AKAP6: variants seen among roughly 807,000 people sequenced by gnomAD.
AKAP6 encodes the protein A-kinase anchor protein 6.
AKAP6 carries 58 observed loss-of-function variants against 188.5 expected under a neutral mutation model. The ratio of observed to expected loss-of-function variants is 0.31; its 90% CI spans 0.25 to 0.38. The LOEUF (loss-of-function observed/expected upper bound fraction) is 0.38. AKAP6 is among the 10% of genes least tolerant of loss of function. The pLI is 1.00. For synonymous variants in AKAP6, 989 were observed against 998.6 expected (o/e 0.99, Z 0.18); for missense variants, 2,710 against 2,740.0 (o/e 0.99, Z 0.24).
intron 12 of AKAP6, among the ~76,000 whole-genome samples, chr14:32,784,869 C>G (rs944768466): frequency 5.9e-5 from 9 of 152,086 alleles, no homozygotes; most frequent in Non-Finnish European, 1.2e-4. Flanking sequence ...TTTCTTCCCC[C>G]TAAGACTACT....
intron 9 of AKAP6, among the ~76,000 whole-genome samples, chr14:32,701,224 A>T (rs868145151): frequency 6.6e-5 from 10 of 152,168 alleles, no homozygotes; most frequent in African/African-American, 2.2e-4. Flanking sequence ...ATAAATACAA[A>T]TCAGACTGGA....
intron 9 of AKAP6, among the ~76,000 whole-genome samples, chr14:32,713,230 G>A (rs1057411932): frequency 6.6e-6 from 1 of 152,006 alleles, no homozygotes; most frequent in Non-Finnish European, 1.5e-5. Context: ...AAACTGTGCT[G>A]TAAACAGATA....
At chr14:32,669,738 T>C (rs1404912815) in intron 7 of AKAP6, among the ~76,000 whole-genome samples, 1 of 152,132 alleles carries the variant, frequency 6.6e-6, no homozygotes, top group Non-Finnish European at 1.5e-5. Flanking sequence ...CTTACAATCA[T>C]GGCAGAAAGG....
intron 5 of AKAP6, among the ~76,000 whole-genome samples, chr14:32,590,583 C>T (rs1885449872): frequency 6.6e-6 from 1 of 152,146 alleles, no homozygotes; most frequent in African/African-American, 2.4e-5. Flanking sequence ...GATAACTGAG[C>T]ATGTCTACAA....
At chr14:32,596,276 A>G (rs1299218311) in intron 5 of AKAP6, among the ~76,000 whole-genome samples, 1 of 152,212 alleles carries the variant, frequency 6.6e-6, no homozygotes, top group Non-Finnish European at 1.5e-5. Context: ...TGGGCTATTC[A>G]GAAATATGAG....
At chr14:32,736,382 T>C (rs1344881716) in intron 11 of AKAP6, among the ~76,000 whole-genome samples, 2 of 152,210 alleles carry the variant, frequency 1.3e-5, no homozygotes, top group African/African-American at 4.8e-5. Flanking sequence ...ATTACAGGCA[T>C]ATTCCATTAT....
chr14:32,510,414 G>GTATATATATACGTATATATATGTGTGTA lies in AKAP6; in HGVS notation c.325-25129_325-25128insGTATATATATGTGTGTATATATATATAC, dbSNP rs1881148089. On this transcript the variant is annotated intron_variant, in intron 2 of 13. Coordinates refer to ENST00000280979, the MANE Select transcript of AKAP6 (RefSeq NM_004274.5). ...TATGTGTATATATATGTATATATAT[G>GTATATATATACGTATATATATGTGTGTA]TATATATATACATATATATATGTGT... 1.0e-3 allele frequency among the ~76,000 whole-genome samples: 112 copies of GTATATATATACGTATATATATGTGTGTA among 112,316 alleles called. 3 individuals carry two copies. Among genetic ancestry groups the GTATATATATACGTATATATATGTGTGTA allele is most frequent in the African/African-American group, 4.2e-3 (108 of 25,978 alleles). 73.7% of individuals were successfully genotyped at this position (112,316 alleles called of 152,430 possible).
At chr14:32,684,237 CT>C (rs1389524516) in intron 8 of AKAP6, among the ~76,000 whole-genome samples, 1 of 152,122 alleles carries the variant, frequency 6.6e-6, no homozygotes, top group African/African-American at 2.4e-5. Context: ...AAGAATTTAC[CT>C]TGTGGTAAAC....
At chr14:32,769,246 C>G (rs1460213174) in intron 11 of AKAP6, among the ~76,000 whole-genome samples, 1 of 151,424 alleles carries the variant, frequency 6.6e-6, no homozygotes, top group Non-Finnish European at 1.5e-5. Flanking sequence ...TGGGGTTTCA[C>G]TGTGTTGGAT....
intron 12 of AKAP6, among the ~76,000 whole-genome samples, chr14:32,798,657 G>A (rs1410718430): frequency 6.6e-6 from 1 of 152,160 alleles, no homozygotes; most frequent in Non-Finnish European, 1.5e-5. Context: ...TTACTTATAA[G>A]TGGGAGCTAA....
intron 12 of AKAP6, among the ~76,000 whole-genome samples, chr14:32,791,699 C>T (rs1228358267): frequency 6.6e-6 from 1 of 151,520 alleles, no homozygotes; most frequent in South Asian, 2.1e-4. Context: ...TTTGCCCATG[C>T]CTATGTCCTG....
At chr14:32,816,368 A>C (rs2034377811) in intron 12 of AKAP6, among the ~76,000 whole-genome samples, 1 of 152,012 alleles carries the variant, frequency 6.6e-6, no homozygotes, top group Non-Finnish European at 1.5e-5. Context: ...AATTTTAAAA[A>C]ATTTTTACAT....
At chr14:32,695,667 G>A (rs1890373852) in intron 8 of AKAP6, among the ~76,000 whole-genome samples, 1 of 152,176 alleles carries the variant, frequency 6.6e-6, no homozygotes, top group South Asian at 2.1e-4. Flanking sequence ...TTAAATGGCA[G>A]TGCTCTTTTT....
Position 32,419,900 on chromosome 14 carries a change from A to C in AKAP6, c.-34-13560A>C, listed in dbSNP as rs190038337. On this transcript the variant is annotated intron_variant, in intron 1 of 13. Coordinates refer to ENST00000280979, the MANE Select transcript of AKAP6 (RefSeq NM_004274.5). ...TCTCTACAAAAACAAAAACAAAAAC[A>C]AAAACAAAAGAAAAAAAACAAAAAA... Among the ~76,000 whole-genome samples, 372 of 150,598 alleles carry C rather than the reference A, an allele frequency of 2.5e-3. 3 individuals are homozygous for C. Among genetic ancestry groups the C allele is most frequent in the African/African-American group, 8.8e-3 (351 of 40,008 alleles).
chr14:32,619,803 G>T (rs1261157325), intron 7 of AKAP6, among the ~76,000 whole-genome samples: 1 of 152,110 alleles, frequency 6.6e-6, no homozygotes, highest in Non-Finnish European at 1.5e-5. Context: ...CAATGTATGA[G>T]CATGGAATGT....
intron 2 of AKAP6, among the ~76,000 whole-genome samples, chr14:32,449,783 G>A (rs1251687575): frequency 6.6e-6 from 1 of 152,158 alleles, no homozygotes; most frequent in Non-Finnish European, 1.5e-5. Flanking sequence ...CTAGATTGGG[G>A]CTGTCTTCCA....
intron 12 of AKAP6, among the ~76,000 whole-genome samples, chr14:32,786,296 A>ATGTTTTTTTTTTGTTTTTT: frequency 1.1e-5 from 1 of 93,706 alleles, no homozygotes; most frequent in South Asian, 3.7e-4. Flanking sequence ...CTAAACCTTT[A>ATGTTTTTTTTTTGTTTTTT]TCTTTTTTTT....
At chr14:32,488,557 G>A (rs1879825780) in intron 2 of AKAP6, among the ~76,000 whole-genome samples, 1 of 152,102 alleles carries the variant, frequency 6.6e-6, no homozygotes, top group Non-Finnish European at 1.5e-5. Context: ...TCTCACTGGG[G>A]TTCCAGGCAC....
At chr14:32,680,588 G>A (rs1249285647) in intron 8 of AKAP6, among the ~76,000 whole-genome samples, 1 of 152,082 alleles carries the variant, frequency 6.6e-6, no homozygotes, top group Non-Finnish European at 1.5e-5. Context: ...TTAAGTTGGT[G>A]ATACAATTCG....
Sources: gnomAD v4.1 joint callset for allele counts (sites outside exome capture counted in the v4.1 genomes callset) on GRCh38, gnomAD v4.1.1 for gene constraint, MANE v1.5 for transcripts, NCBI Gene and HGNC (gene_info 2026-07-23, HGNC 2026-07-21) for gene names.